MTUS2: variants seen among roughly 807,000 people sequenced by gnomAD.
MTUS2 encodes the protein microtubule-associated tumor suppressor candidate 2.
MTUS2 carries 40 observed loss-of-function variants against 114.1 expected under a neutral mutation model. The observed-to-expected ratio is 0.35, with a 90% CI of 0.27 to 0.46. MTUS2 has a LOEUF of 0.46. Ranked by LOEUF, MTUS2 falls within the 20% of genes least tolerant of loss-of-function variation. The pLI is 1.00. For synonymous variants in MTUS2, 688 were observed against 672.0 expected (o/e 1.02, Z -0.37); for missense variants, 1,679 against 1,705.4 (o/e 0.98, Z 0.27).
chr13:29,039,199 T>A (rs1887227887), intron 4 of MTUS2, among the ~76,000 whole-genome samples: 1 of 152,170 alleles, frequency 6.6e-6, no homozygotes, highest in Admixed American at 6.5e-5. Context: ...GCTTCTGGGC[T>A]CGGGGCAGCA....
chr13:29,307,676 G>A, intron 6 of MTUS2: 7 of 1,133,680 alleles, frequency 6.2e-6, no homozygotes, highest in Non-Finnish European at 5.3e-6. Context: ...GCTGGGGCTA[G>A]CATTGCCCTC....
rs71090259 is a variant in MTUS2, at chr13:29,490,985, A to ATGTGTGTGTGTGTGTGTGTG, written c.3506-1658_3506-1639dup. ...GGTATAGCTGAATGTAGAAGTGTGG[A>ATGTGTGTGTGTGTGTGTGTG]TGTGTGTGTGTGTGTGTGTGTGGTG... On this transcript the variant is annotated intron_variant, in intron 11 of 15. Transcript: ENST00000612955. 8.8e-5 allele frequency among the ~76,000 whole-genome samples: 13 copies of ATGTGTGTGTGTGTGTGTGTG among 148,354 alleles called. No homozygotes were observed. The South Asian group carries it at 2.4e-3, about 27-fold the overall frequency.
chr13:29,032,489 A>G (rs571244779), intron 3 of MTUS2, among the ~76,000 whole-genome samples: 1 of 152,214 alleles, frequency 6.6e-6, no homozygotes, highest in Non-Finnish European at 1.5e-5. Flanking sequence ...TATATATGAG[A>G]AAAACCAGAG....
chr13:28,895,981 A>G (rs538278521), intron 2 of MTUS2, among the ~76,000 whole-genome samples: 2 of 152,332 alleles, frequency 1.3e-5, no homozygotes, highest in South Asian at 2.1e-4. Flanking sequence ...TTTTAAATCT[A>G]TTTTAAATCT....
At chr13:28,989,381 G>A (rs1274779313) in intron 2 of MTUS2, among the ~76,000 whole-genome samples, 1 of 152,196 alleles carries the variant, frequency 6.6e-6, no homozygotes, top group East Asian at 1.9e-4. Flanking sequence ...GGAAATTTTA[G>A]GGGAGCATAT....
chr13:29,218,565 T>C (rs529744674), intron 5 of MTUS2, among the ~76,000 whole-genome samples: 2 of 152,364 alleles, frequency 1.3e-5, no homozygotes, highest in Admixed American at 1.3e-4. Flanking sequence ...GCTATAGCCC[T>C]ACAAAATGTA....
At chr13:29,459,993 C>A (rs1033663617) in intron 9 of MTUS2, among the ~76,000 whole-genome samples, 1 of 152,330 alleles carries the variant, frequency 6.6e-6, no homozygotes, top group East Asian at 1.9e-4. Flanking sequence ...CTCCCTGGGC[C>A]ATTCCGCAGA....
chr13:29,292,547 C>T (rs1185202123), intron 6 of MTUS2, among the ~76,000 whole-genome samples: 1 of 151,980 alleles, frequency 6.6e-6, no homozygotes, highest in African/African-American at 2.4e-5. Context: ...AGTGAGAGGC[C>T]TATAATCTTA....
intron 5 of MTUS2, among the ~76,000 whole-genome samples, chr13:29,255,050 C>G (rs114934936): frequency 6.6e-6 from 1 of 152,154 alleles, no homozygotes; most frequent in Non-Finnish European, 1.5e-5. Context: ...TTCTGAATAT[C>G]CCCTAGCTTA....
chr13:28,942,869 C>G (rs903572331), intron 2 of MTUS2, among the ~76,000 whole-genome samples: 1 of 152,026 alleles, frequency 6.6e-6, no homozygotes, highest in Non-Finnish European at 1.5e-5. Context: ...TGTGCTGTTT[C>G]CTGATTCCAG....
chr13:29,308,185 A>G lies in MTUS2; in HGVS notation c.2807-16428A>G, dbSNP rs150929218. Among the ~76,000 whole-genome samples, 314 of 152,330 alleles carry G rather than the reference A, an allele frequency of 2.1e-3. 3 individuals are homozygous for G. The highest frequency in any genetic ancestry group is 7.1e-3 in the African/African-American group (295 of 41,582). On this transcript the variant is annotated intron_variant, in intron 6 of 15. Transcript: ENST00000612955. ...ACAAGACTACAGTAACTAAAACAGCATGGTACTGGTACAAGAACAGACACA... is the reference window on the plus strand; with the variant it reads ...ACAAGACTACAGTAACTAAAACAGCGTGGTACTGGTACAAGAACAGACACA...
chr13:29,015,049 G>A (rs1189133668), intron 2 of MTUS2, among the ~76,000 whole-genome samples: 1 of 152,204 alleles, frequency 6.6e-6, no homozygotes, highest in Non-Finnish European at 1.5e-5. Context: ...CCCACTTGCT[G>A]TATGGTTACA....
chr13:29,093,924 C>T (rs544030305), intron 4 of MTUS2, among the ~76,000 whole-genome samples: 1 of 152,126 alleles, frequency 6.6e-6, no homozygotes, highest in African/African-American at 2.4e-5. Flanking sequence ...TCTTTAATTA[C>T]CAGTTTAAAT....
At chr13:29,462,242 A>G (rs1023202931) in intron 9 of MTUS2, among the ~76,000 whole-genome samples, 1 of 152,180 alleles carries the variant, frequency 6.6e-6, no homozygotes, top group Admixed American at 6.5e-5. Context: ...AGAAATGGCA[A>G]AGTGTGGCTG....
intron 2 of MTUS2, among the ~76,000 whole-genome samples, chr13:28,939,337 A>AT (rs1334294847): frequency 6.6e-6 from 1 of 152,184 alleles, no homozygotes; most frequent in Admixed American, 6.5e-5. Flanking sequence ...GACTAGGGGC[A>AT]TTTTTAACTG....
chr13:29,261,289 A>G (rs954298624), intron 5 of MTUS2, among the ~76,000 whole-genome samples: 1 of 152,228 alleles, frequency 6.6e-6, no homozygotes, highest in African/African-American at 2.4e-5. Flanking sequence ...ATTCTTTTTA[A>G]GAGTGCAAGA....
chr13:28,976,109 T>TGA (rs2138273630), intron 2 of MTUS2, among the ~76,000 whole-genome samples: 1 of 142,804 alleles, frequency 7.0e-6, no homozygotes, highest in South Asian at 2.2e-4. Flanking sequence ...GAGGCTGAGG[T>TGA]GAGAGGATTG....
chr13:29,266,777 G>A (rs569950642), intron 5 of MTUS2, among the ~76,000 whole-genome samples: 3 of 152,174 alleles, frequency 2.0e-5, no homozygotes, highest in African/African-American at 7.2e-5. Flanking sequence ...TGGCCCCCTG[G>A]GACAGATTTG....
chr13:29,030,349 A>G (rs1886759971), intron 3 of MTUS2, among the ~76,000 whole-genome samples: 1 of 152,074 alleles, frequency 6.6e-6, no homozygotes, highest in Admixed American at 6.5e-5. Context: ...CAAAGAATTT[A>G]TTTGTTTTTG....
Sources: gnomAD v4.1 joint callset for allele counts (sites outside exome capture counted in the v4.1 genomes callset) on GRCh38, gnomAD v4.1.1 for gene constraint, MANE v1.5 for transcripts, NCBI Gene and HGNC (gene_info 2026-07-23, HGNC 2026-07-21) for gene names.